The following INTS12 variants were observed in gnomAD, a reference collection of about 807,000 sequenced individuals.
The protein encoded by INTS12 is integrator complex subunit 12, also known as PHD finger protein 22.
INTS12 carries 13 observed loss-of-function variants against 41.6 expected under a neutral mutation model. That is an observed-to-expected ratio of 0.31 (90% confidence interval 0.20 to 0.50). INTS12 has a LOEUF of 0.50. INTS12 is among the 20% of genes least tolerant of loss of function. The probability of loss-of-function intolerance (pLI) is 0.98; values close to 1 mark genes in which losing one functional copy is unlikely to be tolerated. For missense variants in INTS12, 432 were observed against 541.6 expected (o/e 0.80, Z 2.01); for synonymous variants, 199 against 191.4 (o/e 1.04, Z -0.33).
Position 105,687,012 on chromosome 4 carries a change from T to C in INTS12, c.658-174A>G, listed in dbSNP as rs544996850. 1.7e-4 allele frequency: 106 copies of C among 609,324 alleles called. No individual in the cohort carries two copies. The African/African-American group carries it at 1.9e-3, about 11-fold the overall frequency. The allele number at this position is 609,324 out of a possible 1,614,324, so 37.7% of individuals were successfully genotyped here. ...ACAAATTATTATCATATTAATGGTC[T>C]TACAGATTGTATTAGTTTCTAAACA... On this transcript the variant is annotated intron_variant, in intron 6 of 7. Transcript: ENST00000340139.
At chr4:105,702,076 C>T (rs962465275) in intron 2 of INTS12, among the ~76,000 whole-genome samples, 4 of 151,866 alleles carry the variant, frequency 2.6e-5, no homozygotes, top group African/African-American at 9.7e-5. Context: ...ACCCAGTGGT[C>T]CCCATGGTGG....
chr4:105,695,494 C>G, intron 4 of INTS12, 22 bp downstream of exon 4: 1 of 1,563,580 alleles, frequency 6.4e-7, no homozygotes, highest in Non-Finnish European at 8.7e-7. Flanking sequence ...TTTCTTTTAA[C>G]AAGATTAAAA....
chr4:105,699,923 G>A lies in INTS12; in HGVS notation c.83C>T (p.Ala28Val). The A allele has an allele frequency of 6.4e-7, 1 of 1,563,046 alleles. No homozygotes were observed. The highest frequency in any genetic ancestry group is 8.7e-7 in the Non-Finnish European group (1 of 1,143,342). Residue 28 changes from alanine (A) to valine (V), a missense_variant, in exon 3 of 8, where the codon GCT becomes GTT. By Grantham distance (64) the Ala-to-Val change is moderately conservative. Transcript: ENST00000340139. ...GFLHSKSKDS[A>V]EKLKALLDES... ...ATCAAGCAGTGCTTTTAGCTTTTCA[G>A]CAGAATCTTTACTCTTTGAATGCAA...
intron 1 of INTS12, chr4:105,708,403 G>A: frequency 1.0e-6 from 1 of 985,446 alleles, no homozygotes; most frequent in African/African-American, 1.7e-5. Flanking sequence ...CTTGTCCCTA[G>A]ACCTAGAAAT....
intron 6 of INTS12, among the ~76,000 whole-genome samples, chr4:105,687,949 A>G (rs1327184740): frequency 6.6e-6 from 1 of 152,120 alleles, no homozygotes; most frequent in African/African-American, 2.4e-5. Flanking sequence ...GCAAAACTCC[A>G]TCTCAAAAAA....
At chr4:105,689,938 T>G (rs962938960) in intron 6 of INTS12, among the ~76,000 whole-genome samples, 14 of 152,166 alleles carry the variant, frequency 9.2e-5, no homozygotes, top group African/African-American at 3.4e-4. Flanking sequence ...TGCTTCATTT[T>G]ATTTAACTTA....
chr4:105,687,136 C>G (rs1036897375), intron 6 of INTS12: 4 of 326,522 alleles, frequency 1.2e-5, no homozygotes, highest in Non-Finnish European at 2.3e-5. Flanking sequence ...AAATCACAAA[C>G]TATATGTAAC....
Position 105,683,155 on chromosome 4 carries a change from TAGC to T in INTS12, c.964_966del (p.Ala322del), listed in dbSNP as rs777436485. The T allele has an allele frequency of 6.8e-6, 11 of 1,614,018 alleles. No individual in the cohort carries two copies. Among genetic ancestry groups the T allele is most frequent in the Admixed American group, 3.3e-5 (2 of 59,990 alleles). On this transcript the variant is annotated inframe_deletion, in exon 8 of 8. Coordinates refer to ENST00000340139, the MANE Select transcript of INTS12 (RefSeq NM_020395.4). ...ACAGGTTTCTGGTTAGCTGACGAAG[TAGC>T]AGGTTTCCCAGTATTGTTTTGTGTT...
At chr4:105,701,654 C>T (rs1578391620) in intron 2 of INTS12, among the ~76,000 whole-genome samples, 1 of 152,120 alleles carries the variant, frequency 6.6e-6, no homozygotes, top group African/African-American at 2.4e-5. Flanking sequence ...TCTTTAAATT[C>T]CACTCCTGTG....
intron 5 of INTS12, among the ~76,000 whole-genome samples, chr4:105,692,442 C>T (rs1243879150): frequency 6.7e-6 from 1 of 148,560 alleles, no homozygotes; most frequent in Non-Finnish European, 1.5e-5. Context: ...CAAGATCATG[C>T]CACTGCACTC....
At chr4:105,697,835 A>C (rs990541841) in intron 3 of INTS12, among the ~76,000 whole-genome samples, 4 of 152,182 alleles carry the variant, frequency 2.6e-5, no homozygotes, top group African/African-American at 9.7e-5. Flanking sequence ...AGATCACTTG[A>C]GTCCAGGAGT....
intron 3 of INTS12, among the ~76,000 whole-genome samples, chr4:105,699,610 T>C (rs1022900193): frequency 2.6e-5 from 4 of 152,180 alleles, no homozygotes; most frequent in African/African-American, 9.7e-5. Flanking sequence ...CGTAAACAAG[T>C]GAATTCATAT....
At chr4:105,689,783 G>A (rs1404909957) in intron 6 of INTS12, among the ~76,000 whole-genome samples, 2 of 152,146 alleles carry the variant, frequency 1.3e-5, no homozygotes, top group African/African-American at 4.8e-5. Context: ...GCACATGCCT[G>A]TAGTCCCAGC....
At chr4:105,696,326 T>C (rs900083999) in intron 3 of INTS12, among the ~76,000 whole-genome samples, 8 of 152,144 alleles carry the variant, frequency 5.3e-5, no homozygotes, top group Non-Finnish European at 4.4e-5. Flanking sequence ...ATGTCTCCCA[T>C]CATCAAGCAA....
At chr4:105,689,502 A>G (rs542217712) in intron 6 of INTS12, among the ~76,000 whole-genome samples, 3 of 152,068 alleles carry the variant, frequency 2.0e-5, no homozygotes, top group Admixed American at 2.0e-4. Context: ...ATTTCCCCAC[A>G]TTTGCTCTTG....
rs185663841 is a variant in INTS12, at chr4:105,696,044, G to A, written c.157-376C>T. Among the ~76,000 whole-genome samples, 132 of 152,180 alleles carry A rather than the reference G, an allele frequency of 8.7e-4. 3 individuals carry two copies. The South Asian group carries it at 0.011, about 12-fold the overall frequency. On this transcript the variant is annotated intron_variant, in intron 3 of 7. Coordinates refer to ENST00000340139, the MANE Select transcript of INTS12 (RefSeq NM_020395.4). ...TTTTTGTAGTTTCAGTACAGATGGC[G>A]TTTCACCATGTTGGCCACACTGGTC... is the stretch of plus-strand genomic sequence containing the variant.
chr4:105,692,664 A>G (rs6820671), intron 5 of INTS12, among the ~76,000 whole-genome samples: 35,537 of 151,952 alleles, frequency 0.23, 5,806 homozygotes, highest in African/African-American at 0.47. Flanking sequence ...AGAATGCCTT[A>G]ATTAAATTTG....
At chr4:105,704,241 A>G (rs1732185377) in intron 1 of INTS12, among the ~76,000 whole-genome samples, 1 of 152,046 alleles carries the variant, frequency 6.6e-6, no homozygotes, top group Non-Finnish European at 1.5e-5. Context: ...AGTCAGGTAA[A>G]CCTAATACAT....
chr4:105,686,609 C>T, intron 7 of INTS12, 83 bp downstream of exon 7: 2 of 1,021,274 alleles, frequency 2.0e-6, no homozygotes, highest in Non-Finnish European at 1.4e-6. Flanking sequence ...TAAAGTTTCT[C>T]ATTAAATTTT....
Sources: gnomAD v4.1 joint callset for allele counts (sites outside exome capture counted in the v4.1 genomes callset) on GRCh38, gnomAD v4.1.1 for gene constraint, MANE v1.5 for transcripts, NCBI Gene and HGNC (gene_info 2026-07-23, HGNC 2026-07-21) for gene names.